UBL3: variants seen among roughly 807,000 people sequenced by gnomAD.
UBL3 encodes ubiquitin like 3.
Under a neutral mutation model 18.4 loss-of-function variants are expected in UBL3, and 6 were observed. The ratio of observed to expected loss-of-function variants is 0.33; its 90% CI spans 0.18 to 0.64. UBL3 has a LOEUF of 0.64. Ranked by LOEUF, UBL3 falls within the 30% of genes least tolerant of loss-of-function variation. The probability of loss-of-function intolerance (pLI) is 0.76; values close to 1 mark genes in which losing one functional copy is unlikely to be tolerated. For missense variants in UBL3, 109 were observed against 142.9 expected, an observed-to-expected ratio of 0.76 and a Z score of 1.21; for synonymous variants, 49 against 46.6, an observed-to-expected ratio of 1.05 and a Z score of -0.21.
At chr13:29,808,563 A>C (rs1877954730) in intron 1 of UBL3, among the ~76,000 whole-genome samples, 1 of 152,170 alleles carries the variant, frequency 6.6e-6, no homozygotes. Flanking sequence ...ATTATCACCA[A>C]CATCTGTTTT....
At chr13:29,847,472 C>T (rs1879257509) in intron 1 of UBL3, among the ~76,000 whole-genome samples, 1 of 152,116 alleles carries the variant, frequency 6.6e-6, no homozygotes, top group South Asian at 2.1e-4. Flanking sequence ...TTAATAAAAC[C>T]CTGCTCCTAC....
intron 1 of UBL3, among the ~76,000 whole-genome samples, chr13:29,839,188 TA>T: frequency 6.6e-6 from 1 of 152,312 alleles, no homozygotes; most frequent in South Asian, 2.1e-4. Context: ...ACATGATTAA[TA>T]AATTTAATTG....
intron 1 of UBL3, among the ~76,000 whole-genome samples, chr13:29,806,873 T>C (rs1177169998): frequency 6.6e-6 from 1 of 152,194 alleles, no homozygotes; most frequent in Non-Finnish European, 1.5e-5. Flanking sequence ...AGCTTTTGTG[T>C]CTATGGTGCA....
chr13:29,771,988 A>T, intron 3 of UBL3, 124 bp downstream of exon 3: 2 of 817,610 alleles, frequency 2.4e-6, no homozygotes, highest in Non-Finnish European at 3.8e-6. Flanking sequence ...TACCAGAAAT[A>T]GGCAGAATTC....
chr13:29,831,709 A>G (rs1878778432), intron 1 of UBL3, among the ~76,000 whole-genome samples: 1 of 150,238 alleles, frequency 6.7e-6, no homozygotes, highest in Non-Finnish European at 1.5e-5. Context: ...TTAATGATAG[A>G]AAAAAAAAGA....
At chr13:29,804,652 G>C (rs1158595242) in intron 1 of UBL3, among the ~76,000 whole-genome samples, 1 of 151,988 alleles carries the variant, frequency 6.6e-6, no homozygotes, top group African/African-American at 2.4e-5. Context: ...AAAAAATCCT[G>C]GGAGACTACT....
chr13:29,774,017 T>A (rs573075876), intron 2 of UBL3, among the ~76,000 whole-genome samples: 10 of 152,170 alleles, frequency 6.6e-5, no homozygotes, highest in Non-Finnish European at 1.0e-4. Context: ...GATTTTTAAT[T>A]TAAGTATTTT....
At chr13:29,804,659 T>C (rs1291739671) in intron 1 of UBL3, among the ~76,000 whole-genome samples, 1 of 152,124 alleles carries the variant, frequency 6.6e-6, no homozygotes, top group African/African-American at 2.4e-5. Context: ...CCTGGGAGAC[T>C]ACTATTAATA....
chr13:29,803,705 A>G (rs1037944437), intron 1 of UBL3, among the ~76,000 whole-genome samples: 5 of 152,172 alleles, frequency 3.3e-5, no homozygotes, highest in African/African-American at 1.2e-4. Flanking sequence ...TGGACGTTAT[A>G]TAACAGTAAA....
chr13:29,837,703 G>A (rs925242448), intron 1 of UBL3, among the ~76,000 whole-genome samples: 2 of 152,006 alleles, frequency 1.3e-5, no homozygotes, highest in African/African-American at 4.8e-5. Context: ...GCTGAGGCAG[G>A]CGGATCACTT....
intron 1 of UBL3, among the ~76,000 whole-genome samples, chr13:29,780,538 C>G (rs1347436821): frequency 6.6e-6 from 1 of 150,640 alleles, no homozygotes; most frequent in Non-Finnish European, 1.5e-5. Flanking sequence ...TCAACAAAAA[C>G]TAAAAACTAA....
At chr13:29,819,184 AT>A (rs1878362183) in intron 1 of UBL3, among the ~76,000 whole-genome samples, 1 of 152,154 alleles carries the variant, frequency 6.6e-6, no homozygotes, top group Non-Finnish European at 1.5e-5. Context: ...TATGTTTGAA[AT>A]TTTTCATGAA....
At chr13:29,776,893 A>T (rs1453509613) in intron 2 of UBL3, among the ~76,000 whole-genome samples, 1 of 148,200 alleles carries the variant, frequency 6.7e-6, no homozygotes, top group East Asian at 2.0e-4. Context: ...AAAAAAAAAA[A>T]AAAAAAAATT....
rs1439348567 is a variant in UBL3 at position 29,840,440 on chromosome 13, C to T, written c.27+9072G>A. On this transcript the variant is annotated intron_variant, in intron 1 of 4. Coordinates refer to ENST00000380680, the MANE Select transcript of UBL3 (RefSeq NM_007106.4). ...TAAAATCAATCTTCACAAATTCTTC[C>T]AGAGTATTAAAAAGCATTTCCCAAC... is the stretch of plus-strand genomic sequence containing the variant. Among the ~76,000 whole-genome samples the T allele has an allele frequency of 4.6e-5, 7 of 152,246 alleles. No homozygotes were observed. In the East Asian group the frequency reaches 1.3e-3, roughly 29 times the overall value.
chr13:29,807,271 C>A (rs770011934), intron 1 of UBL3, among the ~76,000 whole-genome samples: 1 of 152,158 alleles, frequency 6.6e-6, no homozygotes, highest in Non-Finnish European at 1.5e-5. Flanking sequence ...AAGTCAGGAA[C>A]CTTGGACTCT....
At chr13:29,842,330 G>A (rs1410906395) in intron 1 of UBL3, among the ~76,000 whole-genome samples, 3 of 151,892 alleles carry the variant, frequency 2.0e-5, no homozygotes, top group African/African-American at 7.3e-5. Context: ...GCTAATTTTT[G>A]TATTTTTAGT....
intron 4 of UBL3, 60 bp from the exon 5 acceptor site, chr13:29,767,367 G>T: frequency 6.3e-7 from 1 of 1,594,422 alleles, no homozygotes; most frequent in Non-Finnish European, 8.6e-7. Flanking sequence ...GGGAAAATGG[G>T]CTAGGCAATC....
chr13:29,846,264 T>C (rs1301430323), intron 1 of UBL3, among the ~76,000 whole-genome samples: 1 of 152,126 alleles, frequency 6.6e-6, no homozygotes, highest in Non-Finnish European at 1.5e-5. Flanking sequence ...TACACTAAGA[T>C]GTTATTAAAT....
At chr13:29,823,913 T>C (rs890158399) in intron 1 of UBL3, among the ~76,000 whole-genome samples, 1 of 142,684 alleles carries the variant, frequency 7.0e-6, no homozygotes. Context: ...TGTGTTCAAG[T>C]GTTCTCATTG....
Sources: allele counts gnomAD v4.1 joint callset (sites outside exome capture counted in the v4.1 genomes callset), GRCh38; gene constraint gnomAD v4.1.1; transcripts MANE v1.5; gene names NCBI Gene and HGNC (gene_info 2026-07-23, HGNC 2026-07-21).